RYR3: variants seen among roughly 807,000 people sequenced by gnomAD.
RYR3 encodes the protein brain ryanodine receptor-calcium release channel.
Under a neutral mutation model 584.3 loss-of-function variants are expected in RYR3, and 207 were observed. The ratio of observed to expected loss-of-function variants is 0.35; its 90% CI spans 0.32 to 0.40. The LOEUF (loss-of-function observed/expected upper bound fraction) is 0.40. Ranked by LOEUF, RYR3 falls within the 10% of genes least tolerant of loss-of-function variation. RYR3 has a pLI of 1.00. For missense variants in RYR3, 5,616 were observed against 6,089.2 expected, an observed-to-expected ratio of 0.92 and a Z score of 2.59; for synonymous variants, 2,416 against 2,248.5, an observed-to-expected ratio of 1.07 and a Z score of -2.11.
intron 14 of RYR3, among the ~76,000 whole-genome samples, chr15:33,582,814 A>G (rs1179747753): frequency 1.3e-5 from 2 of 152,190 alleles, no homozygotes; most frequent in African/African-American, 2.4e-5. Flanking sequence ...CTGACTGAAG[A>G]TGCAAAGCTG....
chr15:33,600,383 G>A (rs2467565), intron 16 of RYR3, among the ~76,000 whole-genome samples: 78,010 of 151,836 alleles, frequency 0.51, 20,548 homozygotes, highest in East Asian at 0.79. Context: ...GCTGTTATTT[G>A]TCGACTGCTG....
chr15:33,653,256 C>G (rs1217596170), intron 32 of RYR3, among the ~76,000 whole-genome samples: 1 of 152,198 alleles, frequency 6.6e-6, no homozygotes, highest in Non-Finnish European at 1.5e-5. Context: ...AAATACTTCT[C>G]ACTTTAAGAA....
intron 42 of RYR3, among the ~76,000 whole-genome samples, chr15:33,701,653 G>C (rs1187448388): frequency 2.0e-5 from 3 of 152,048 alleles, no homozygotes; most frequent in Non-Finnish European, 4.4e-5. Context: ...GAGGGGGAGG[G>C]GGGTGGAGAG....
intron 51 of RYR3, among the ~76,000 whole-genome samples, 181 bp from the exon 52 acceptor site, chr15:33,742,185 C>A (rs1326729267): frequency 6.6e-6 from 1 of 152,196 alleles, no homozygotes; most frequent in African/African-American, 2.4e-5. Context: ...GTGACCTAAC[C>A]CTGGCTATGC....
At chr15:33,519,100 A>T (rs2053768510) in intron 3 of RYR3, among the ~76,000 whole-genome samples, 2 of 152,290 alleles carry the variant, frequency 1.3e-5, no homozygotes, top group South Asian at 4.2e-4. Flanking sequence ...GCCCTGCAGC[A>T]TCCACACCAG....
chr15:33,468,988 G>T (rs992909362), intron 1 of RYR3, among the ~76,000 whole-genome samples: 2 of 152,200 alleles, frequency 1.3e-5, no homozygotes. Context: ...TAGTGTTGAT[G>T]CGAAGCTTAA....
intron 15 of RYR3, 40 bp downstream of exon 15, chr15:33,584,530 G>T (rs751746605): frequency 4.5e-5 from 41 of 918,372 alleles, no homozygotes; most frequent in Admixed American, 2.8e-5. Flanking sequence ...AAAGATGAAG[G>T]GTTTTTTTTT....
intron 1 of RYR3, among the ~76,000 whole-genome samples, chr15:33,466,121 C>G (rs77923225): frequency 6.6e-6 from 1 of 152,034 alleles, no homozygotes; most frequent in Admixed American, 6.5e-5. Context: ...TGTGGTGGCA[C>G]AAACTTGGGA....
At chr15:33,638,726 T>TA (rs1566843296) in intron 27 of RYR3, among the ~76,000 whole-genome samples, 1 of 152,034 alleles carries the variant, frequency 6.6e-6, no homozygotes, top group African/African-American at 2.4e-5. Flanking sequence ...TTTTTAGTTG[T>TA]AAAAAAAGAC....
At chr15:33,617,070 G>A (rs1430465164) in intron 19 of RYR3, among the ~76,000 whole-genome samples, 3 of 152,206 alleles carry the variant, frequency 2.0e-5, no homozygotes, top group Non-Finnish European at 4.4e-5. Context: ...CAAAGAGCTA[G>A]AAAGAGAAAC....
intron 2 of RYR3, among the ~76,000 whole-genome samples, chr15:33,497,703 T>G (rs763610475): frequency 9.2e-5 from 14 of 152,198 alleles, no homozygotes; most frequent in Non-Finnish European, 1.8e-4. Context: ...CCTCAAACCT[T>G]TATCATTTCT....
In RYR3 at chr15:33,863,720, G is replaced by C. The variant is rs147118239; in HGVS notation, c.14466-418G>C. ...AATACTTTCTAACTTTTCCATGACA[G>C]ATATTCTTGAGACACACACATAATT... On this transcript the variant is annotated intron_variant, in intron 102 of 103. Coordinates refer to ENST00000634891, the MANE Select transcript of RYR3 (RefSeq NM_001036.6). Among the ~76,000 whole-genome samples the C allele has an allele frequency of 5.0e-3, 760 of 152,270 alleles. 8 individuals carry two copies. Among genetic ancestry groups the C allele is most frequent in the African/African-American group, 0.018 (732 of 41,560 alleles).
At chr15:33,666,004 C>G (rs2063473937) in intron 36 of RYR3, among the ~76,000 whole-genome samples, 1 of 152,176 alleles carries the variant, frequency 6.6e-6, no homozygotes, top group East Asian at 1.9e-4. Context: ...CTTGGTTTCA[C>G]CCCTAGGGTT....
intron 69 of RYR3, among the ~76,000 whole-genome samples, chr15:33,805,971 G>T (rs8042920): frequency 2.0e-5 from 3 of 146,706 alleles, no homozygotes; most frequent in Non-Finnish European, 3.0e-5. Context: ...CTCTGCCTCT[G>T]TCCACCATTT....
intron 10 of RYR3, among the ~76,000 whole-genome samples, chr15:33,560,498 T>C (rs946774552): frequency 1.3e-5 from 2 of 151,848 alleles, no homozygotes; most frequent in African/African-American, 4.8e-5. Context: ...GGCAAGAAAG[T>C]AATGAAGTTA....
At position 33,812,989 on chromosome 15, in the gene RYR3, G is replaced by A. The variant is rs780070006; in HGVS notation, c.10384G>A (p.Glu3462Lys). ...QRISAAVFHL[E>K]QVEQPLRSKK... ...AATTTCAGCAGCTGTCTTCCACCTGGAACAGGTAAGGAGCATCTGCCCTGA... is the reference window on the plus strand; with the variant it reads ...AATTTCAGCAGCTGTCTTCCACCTGAAACAGGTAAGGAGCATCTGCCCTGA... The change falls in exon 73 of 104, where the codon GAA becomes AAA. Residue 3462 changes from glutamate to lysine, a missense_variant. Glu to Lys is a moderately conservative substitution (Grantham distance 56). Transcript: ENST00000634891. 6.2e-7 allele frequency: 1 copy of A among 1,613,938 alleles called. No homozygotes were observed. The highest frequency in any genetic ancestry group is 8.5e-7 in the Non-Finnish European group (1 of 1,179,872).
At chr15:33,433,304 A>G (rs2045366545) in intron 1 of RYR3, among the ~76,000 whole-genome samples, 1 of 152,184 alleles carries the variant, frequency 6.6e-6, no homozygotes. Context: ...TTTTTCAGGC[A>G]TTAGTATCAA....
At chr15:33,591,774 C>A (rs989597620) in intron 16 of RYR3, among the ~76,000 whole-genome samples, 2 of 152,152 alleles carry the variant, frequency 1.3e-5, no homozygotes, top group Non-Finnish European at 2.9e-5. Context: ...ATAGTAATAT[C>A]ATTGATTCTC....
At chr15:33,348,916 T>C (rs759016748) in intron 1 of RYR3, among the ~76,000 whole-genome samples, 1 of 152,110 alleles carries the variant, frequency 6.6e-6, no homozygotes, top group Non-Finnish European at 1.5e-5. Context: ...ATCCCCTGTG[T>C]TTTATTTTTT....
Sources: gnomAD v4.1 joint callset for allele counts (sites outside exome capture counted in the v4.1 genomes callset) on GRCh38, gnomAD v4.1.1 for gene constraint, MANE v1.5 for transcripts, NCBI Gene and HGNC (gene_info 2026-07-23, HGNC 2026-07-21) for gene names.